TFAP2E: variants seen among roughly 807,000 people sequenced by gnomAD.
TFAP2E encodes transcription factor AP-2 epsilon.
TFAP2E carries 30 observed loss-of-function variants against 37.9 expected under a neutral mutation model. The observed-to-expected ratio is 0.79, with a 90% CI of 0.59 to 1.07. TFAP2E has a LOEUF of 1.07. TFAP2E is among the 50% of genes least tolerant of loss of function. TFAP2E has a pLI of 0.00. For missense variants in TFAP2E, 567 were observed against 637.9 expected, an observed-to-expected ratio of 0.89 and a Z score of 1.20; for synonymous variants, 318 against 295.8, an observed-to-expected ratio of 1.08 and a Z score of -0.77.
chr1:35,580,647 C>T (rs547935608), intron 3 of TFAP2E, among the ~76,000 whole-genome samples: 1 of 151,916 alleles, frequency 6.6e-6, no homozygotes. Flanking sequence ...TGGTGGCGGG[C>T]GCCTGTAGTC....
In TFAP2E at chr1:35,577,324, T is replaced by C. The variant is rs546317101; in HGVS notation, c.562+2324T>C. On this transcript the variant is annotated intron_variant, in intron 3 of 6. Coordinates refer to ENST00000373235, the MANE Select transcript of TFAP2E (RefSeq NM_178548.4). The surrounding 1 kb of genome is among the most constrained non-coding windows in gnomAD (Gnocchi z 6.3). Reference sequence around the variant, plus strand: ...TCGGCGCCCCCAGCAGTTTTCACCTTGGCCCTCCGCGGTCACTGCGGGATT... The same window carrying C: ...TCGGCGCCCCCAGCAGTTTTCACCTCGGCCCTCCGCGGTCACTGCGGGATT... 2.2e-6 allele frequency: 1 copy of C among 455,920 alleles called. No individual in the cohort carries two copies. Among genetic ancestry groups the C allele is most frequent in the South Asian group, 1.6e-5 (1 of 64,496 alleles). The allele number at this position is 455,920 out of a possible 1,614,324, so 28.2% of individuals were successfully genotyped here.
chr1:35,574,049 C>T lies in TFAP2E; in HGVS notation c.150C>T (p.Phe50=). 3 of 1,485,048 alleles carry T rather than the reference C, an allele frequency of 2.0e-6. No individual in the cohort carries two copies. Among genetic ancestry groups the T allele is most frequent in the Non-Finnish European group, 2.7e-6 (3 of 1,123,036 alleles). The allele number at this position is 1,485,048 out of a possible 1,614,324, so 92.0% of individuals were successfully genotyped here. A position where few individuals can be genotyped will look rare whatever the true frequency, so the allele number is the denominator to read the frequency against. ...CGGCCGCCACAGCTGCCGCCGAATT[C>T]CAGCCGCCCTACTTCCCGCCGCCCT... The part of the protein sequence containing the change: ...HTPAATAAAE[F]QPPYFPPPYP... Residue 50 remains phenylalanine, a synonymous_variant, in exon 2 of 7, where the codon TTC becomes TTT. Coordinates refer to ENST00000373235, the MANE Select transcript of TFAP2E (RefSeq NM_178548.4).
At position 35,574,282 on chromosome 1, in the gene TFAP2E, C is replaced by G. The variant is rs1649102173; in HGVS notation, c.383C>G (p.Pro128Arg). ...CCCGCCCGCGCCCTGGGCCTTGACC[C>G]GCGCCGTGACTATGCCACTGCCGTG... is the stretch of plus-strand genomic sequence containing the variant. ...APPARALGLD[P>R]RRDYATAVPR... The change falls in exon 2 of 7, where the codon CCG becomes CGG. Residue 128 changes from proline to arginine, a missense_variant. Physicochemically the swap from Pro to Arg is moderately radical, Grantham distance 103 (BLOSUM62 -2). Transcript: ENST00000373235. 7.0e-7 allele frequency: 1 copy of G among 1,423,802 alleles called. No individual in the cohort carries two copies. The highest frequency in any genetic ancestry group is 9.2e-7 in the Non-Finnish European group (1 of 1,091,016). The allele number at this position is 1,423,802 out of a possible 1,614,324, so 88.2% of individuals were successfully genotyped here. A position where few individuals can be genotyped will look rare whatever the true frequency, so the allele number is the denominator to read the frequency against.
intron 3 of TFAP2E, among the ~76,000 whole-genome samples, chr1:35,586,805 C>T (rs1033597327): frequency 1.3e-5 from 2 of 152,050 alleles, no homozygotes; most frequent in Non-Finnish European, 2.9e-5. Context: ...GACGTTCTGC[C>T]AGGCTACGGA....
Position 35,573,707 on chromosome 1 carries a change from A to G in TFAP2E, c.27+103A>G. 6.8e-7 allele frequency: 1 copy of G among 1,478,156 alleles called. No homozygotes were observed. The highest frequency in any genetic ancestry group is 9.0e-7 in the Non-Finnish European group (1 of 1,106,902). 91.6% of individuals were successfully genotyped at this position (1,478,156 alleles called of 1,614,324 possible). A position where few individuals can be genotyped will look rare whatever the true frequency, so the allele number is the denominator to read the frequency against. ...CCCGCGCTAACGAAATCTCGGAGGG[A>G]GGGGGCCGCAGGGACTTCGCCAGCT... On this transcript the variant is annotated intron_variant, in intron 1 of 6. Transcript: ENST00000373235. The surrounding 1 kb of genome is among the most constrained non-coding windows in gnomAD (Gnocchi z 5.9).
intron 3 of TFAP2E, among the ~76,000 whole-genome samples, chr1:35,579,380 C>T (rs908191361): frequency 2.0e-5 from 3 of 150,914 alleles, no homozygotes; most frequent in Non-Finnish European, 4.4e-5. Flanking sequence ...TGGACAACAA[C>T]AGCAAAACTC....
At chr1:35,582,174 G>C (rs531210167) in intron 3 of TFAP2E, among the ~76,000 whole-genome samples, 1 of 152,210 alleles carries the variant, frequency 6.6e-6, no homozygotes, top group African/African-American at 2.4e-5. Context: ...CACCGTGCCT[G>C]GCCCCTGTCT....
chr1:35,588,309 G>A lies in TFAP2E; in HGVS notation c.563-21G>A, dbSNP rs745983276. The A allele has an allele frequency of 1.9e-6, 3 of 1,592,112 alleles. No homozygotes were observed. The African/African-American group carries it at 4.0e-5, about 21-fold the overall frequency. ...GCTGTGTGCGGCAGCCACTGGCTCA[G>A]CGTTTCCCTCTTCTCCACAGTGCCC... On this transcript the variant is annotated intron_variant, in intron 3 of 6. Coordinates refer to ENST00000373235, the MANE Select transcript of TFAP2E (RefSeq NM_178548.4). This position sits in a 1 kb window ranked among gnomAD's most constrained non-coding sequence, Gnocchi z 5.1.
chr1:35,593,840 C>A (rs781539390), intron 6 of TFAP2E, among the ~76,000 whole-genome samples: 3 of 152,212 alleles, frequency 2.0e-5, no homozygotes, highest in Non-Finnish European at 4.4e-5. Context: ...CCAGCTCGGT[C>A]ACCTTGACAG....
chr1:35,585,904 C>T (rs2148550718), intron 3 of TFAP2E, among the ~76,000 whole-genome samples: 1 of 152,076 alleles, frequency 6.6e-6, no homozygotes, highest in South Asian at 2.1e-4. Context: ...CAAAAATTAC[C>T]CAGGCATGGT....
chr1:35,576,901 G>A (rs1649189983), intron 3 of TFAP2E, among the ~76,000 whole-genome samples: 1 of 151,718 alleles, frequency 6.6e-6, no homozygotes. Context: ...CGCGCGGGAC[G>A]GGGCCACGCG....
Position 35,573,491 on chromosome 1 carries a change from C to T in TFAP2E, c.-87C>T. 1 of 1,391,538 alleles carries T rather than the reference C, an allele frequency of 7.2e-7. No homozygotes were observed. Among genetic ancestry groups the T allele is most frequent in the Non-Finnish European group, 9.3e-7 (1 of 1,074,890 alleles). 86.2% of individuals were successfully genotyped at this position (1,391,538 alleles called of 1,614,324 possible). A position where few individuals can be genotyped will look rare whatever the true frequency, so the allele number is the denominator to read the frequency against. ...CGCACCGTGACCTCCGCGGGCTGTG[C>T]CGGCTCCCGGCGCCTCTGCCCGCAG... On this transcript the variant is annotated 5_prime_UTR_variant, in exon 1 of 7. Transcript: ENST00000373235. This position sits in a 1 kb window ranked among gnomAD's most constrained non-coding sequence, Gnocchi z 5.9.
chr1:35,585,876 C>T (rs1328325478), intron 3 of TFAP2E, among the ~76,000 whole-genome samples: 3 of 152,016 alleles, frequency 2.0e-5, no homozygotes, highest in African/African-American at 4.8e-5. Context: ...TGGTGAAACC[C>T]CATCTCTATG....
chr1:35,591,239 T>C (rs1191837877), intron 6 of TFAP2E, among the ~76,000 whole-genome samples: 1 of 152,184 alleles, frequency 6.6e-6, no homozygotes, highest in Non-Finnish European at 1.5e-5. Flanking sequence ...ACATAGACAC[T>C]ACATGTGAAC....
At chr1:35,578,896 A>C (rs2148547050) in intron 3 of TFAP2E, among the ~76,000 whole-genome samples, 1 of 151,840 alleles carries the variant, frequency 6.6e-6, no homozygotes, top group South Asian at 2.1e-4. Context: ...CAGCCTGGCC[A>C]AGATGGTGAA....
At position 35,588,687 on chromosome 1, in the gene TFAP2E, C is replaced by G; in HGVS notation, c.785+135C>G. On this transcript the variant is annotated intron_variant, in intron 4 of 6. Coordinates refer to ENST00000373235, the MANE Select transcript of TFAP2E (RefSeq NM_178548.4). The surrounding 1 kb of genome is among the most constrained non-coding windows in gnomAD (Gnocchi z 5.1). Reference sequence around the variant, plus strand: ...TCCCTGGGAGGGGAGGCCCCGGGGACTCTGGATTGTGCATGTTGTGGGGGC... The same window carrying G: ...TCCCTGGGAGGGGAGGCCCCGGGGAGTCTGGATTGTGCATGTTGTGGGGGC... 1 of 939,562 alleles carries G rather than the reference C, an allele frequency of 1.1e-6. No individual in the cohort carries two copies. Among genetic ancestry groups the G allele is most frequent in the Non-Finnish European group, 1.5e-6 (1 of 660,438 alleles). The allele number at this position is 939,562 out of a possible 1,614,324, so 58.2% of individuals were successfully genotyped here. A position where few individuals can be genotyped will look rare whatever the true frequency, so the allele number is the denominator to read the frequency against.
At position 35,588,274 on chromosome 1, in the gene TFAP2E, C is replaced by T. The variant is rs954077929; in HGVS notation, c.563-56C>T. The T allele has an allele frequency of 2.6e-6, 4 of 1,529,222 alleles. No homozygotes were observed. The highest frequency in any genetic ancestry group is 3.5e-6 in the Non-Finnish European group (4 of 1,128,184). The allele number at this position is 1,529,222 out of a possible 1,614,324, so 94.7% of individuals were successfully genotyped here. The stretch of plus-strand genomic sequence containing the variant: ...ATAAAGCAAGGATACCAGACCCTCC[C>T]TTGAGTGGGGCTGTGTGCGGCAGCC... On this transcript the variant is annotated intron_variant, in intron 3 of 6. Coordinates refer to ENST00000373235, the MANE Select transcript of TFAP2E (RefSeq NM_178548.4). The surrounding 1 kb of genome is among the most constrained non-coding windows in gnomAD (Gnocchi z 5.1).
chr1:35,594,405 A>G lies in TFAP2E; in HGVS notation c.1058A>G (p.Lys353Arg). The G allele has an allele frequency of 6.2e-7, 1 of 1,613,248 alleles. No homozygotes were observed. The highest frequency in any genetic ancestry group is 1.1e-5 in the South Asian group (1 of 91,014). ...CCTTCTCGCACCAGGCAGATCTGCA[A>G]GGAGTTTGCAGACTTGATGGCTCAG... ...SMLLAAKQIC[K>R]EFADLMAQDR... The change falls in exon 7 of 7, where the codon AAG (lysine) becomes AGG (arginine). Residue 353 changes from lysine (K) to arginine (R), a missense_variant. Around this residue, in one of 3 missense-constraint regions of TFAP2E, gnomAD observed 252 missense variants for 302.6 expected, o/e 0.83. Coordinates refer to ENST00000373235, the MANE Select transcript of TFAP2E (RefSeq NM_178548.4).
In TFAP2E at chr1:35,588,646, G is replaced by A. The variant is rs1444349949; in HGVS notation, c.785+94G>A. ...CAGAGAGGAGGCCAGTCTCACCTAG[G>A]CCCTCTGCCTCAGTCTCCCTGGGAG... On this transcript the variant is annotated intron_variant, in intron 4 of 6. Coordinates refer to ENST00000373235, the MANE Select transcript of TFAP2E (RefSeq NM_178548.4). This position sits in a 1 kb window ranked among gnomAD's most constrained non-coding sequence, Gnocchi z 5.1. The A allele has an allele frequency of 1.5e-6, 2 of 1,298,834 alleles. No homozygotes were observed. The highest frequency in any genetic ancestry group is 2.4e-5 in the East Asian group (1 of 41,510). The allele number at this position is 1,298,834 out of a possible 1,614,324, so 80.5% of individuals were successfully genotyped here. A position where few individuals can be genotyped will look rare whatever the true frequency, so the allele number is the denominator to read the frequency against.
Sources: gnomAD v4.1 joint callset for allele counts (sites outside exome capture counted in the v4.1 genomes callset) on GRCh38, gnomAD v4.1.1 for gene constraint, gnomAD v4.1.1 regional missense constraint, Gnocchi (gnomAD v3.1) non-coding constraint, MANE v1.5 for transcripts, NCBI Gene and HGNC (gene_info 2026-07-23, HGNC 2026-07-21) for gene names.